NAV2: variants seen among roughly 807,000 people sequenced by gnomAD.
NAV2 encodes the protein helicase, APC down-regulated 1.
NAV2 carries 54 observed loss-of-function variants against 223.2 expected under a neutral mutation model. The observed-to-expected ratio is 0.24, with a 90% confidence interval of 0.19 to 0.30. NAV2 has a LOEUF of 0.30. NAV2 is among the 10% of genes least tolerant of loss of function. The probability of loss-of-function intolerance (pLI) is 1.00; values close to 1 mark genes in which losing one functional copy is unlikely to be tolerated. For missense variants in NAV2, 2,806 were observed against 3,147.5 expected (o/e 0.89, Z 2.60); for synonymous variants, 1,279 against 1,239.3 (o/e 1.03, Z -0.67).
At chr11:20,094,889 G>A (rs1368990174) in intron 29 of NAV2, among the ~76,000 whole-genome samples, 1 of 152,128 alleles carries the variant, frequency 6.6e-6, no homozygotes, top group African/African-American at 2.4e-5. Context: ...ATCCTTATGA[G>A]CATGTAAAAA....
chr11:19,887,979 C>T (rs759958822), intron 5 of NAV2, among the ~76,000 whole-genome samples: 3 of 150,342 alleles, frequency 2.0e-5, no homozygotes, highest in Admixed American at 6.6e-5. Flanking sequence ...GCACGTACAT[C>T]GCGTGGAACA....
chr11:19,815,808 G>A (rs952821591), intron 1 of NAV2, among the ~76,000 whole-genome samples: 1 of 152,202 alleles, frequency 6.6e-6, no homozygotes, highest in Non-Finnish European at 1.5e-5. Context: ...CAGGATTGTG[G>A]TGAGGCTCAG....
Position 19,602,100 on chromosome 11 carries a change from G to A in NAV2, c.76-230384G>A, listed in dbSNP as rs552768249. The stretch of plus-strand genomic sequence containing the variant: ...TCCAATCAGCTTTGGCCAGGAAATC[G>A]GGGACATCAAGTATGAAAAGGATGC... On this transcript the variant is annotated intron_variant, in intron 1 of 37. Transcript: ENST00000360655. Among the ~76,000 whole-genome samples the A allele has an allele frequency of 6.6e-5, 10 of 152,240 alleles. 2 individuals are homozygous for A. Among genetic ancestry groups the A allele is most frequent in the East Asian group, 5.8e-4 (3 of 5,182 alleles).
intron 1 of NAV2, among the ~76,000 whole-genome samples, chr11:19,830,084 G>A (rs2059847942): frequency 6.6e-6 from 1 of 152,082 alleles, no homozygotes; most frequent in Admixed American, 6.5e-5. Context: ...AATTAGCCAA[G>A]CGTGGTGGCA....
chr11:19,424,277 T>C (rs544212900), intron 1 of NAV2, among the ~76,000 whole-genome samples: 1 of 152,328 alleles, frequency 6.6e-6, no homozygotes, highest in South Asian at 2.1e-4. Flanking sequence ...TTTATTTGTG[T>C]TGAATAAAGA....
intron 28 of NAV2, 147 bp downstream of exon 28, chr11:20,092,515 G>A (rs1266077010): frequency 1.3e-6 from 1 of 771,652 alleles, no homozygotes. Context: ...GTGTCTGGGT[G>A]TGAGTCTGCT....
In NAV2 at chr11:19,703,764, G is replaced by A. The variant is rs533366361; in HGVS notation, c.76-128720G>A. On this transcript the variant is annotated intron_variant, in intron 1 of 37. Coordinates refer to the NAV2 transcript ENST00000360655. ...GTTGTGAGAGCAAAGCCTTTGCAGC[G>A]CTTCATAAAGCCATGTTTTTCAATT... Among the ~76,000 whole-genome samples, 19 of 152,284 alleles carry A rather than the reference G, an allele frequency of 1.2e-4. No individual in the cohort carries two copies. The East Asian group carries it at 1.9e-3, about 15-fold the overall frequency.
chr11:19,623,810 A>G (rs1271868439), intron 1 of NAV2, among the ~76,000 whole-genome samples: 1 of 152,134 alleles, frequency 6.6e-6, no homozygotes, highest in Non-Finnish European at 1.5e-5. Context: ...GCTGGTGAGG[A>G]GCTGTGTTAT....
intron 1 of NAV2, among the ~76,000 whole-genome samples, chr11:19,560,382 G>T (rs2045053250): frequency 6.6e-6 from 1 of 152,164 alleles, no homozygotes; most frequent in African/African-American, 2.4e-5. Flanking sequence ...AAACTTTCTG[G>T]ATTCAAGTCT....
intron 1 of NAV2, among the ~76,000 whole-genome samples, chr11:19,516,099 C>T (rs1267290764): frequency 6.6e-6 from 1 of 152,174 alleles, no homozygotes; most frequent in African/African-American, 2.4e-5. Context: ...GATGTCCTGG[C>T]TGGAGATATA....
chr11:19,432,598 G>A (rs1486530365), intron 1 of NAV2, among the ~76,000 whole-genome samples: 1 of 152,220 alleles, frequency 6.6e-6, no homozygotes, highest in East Asian at 1.9e-4. Context: ...CCACTGAGAA[G>A]ACATGGAGCA....
intron 1 of NAV2, among the ~76,000 whole-genome samples, chr11:19,626,974 A>G (rs2047188965): frequency 1.3e-5 from 2 of 152,200 alleles, no homozygotes; most frequent in South Asian, 2.1e-4. Context: ...TGCAATATGT[A>G]CCCAATATGA....
Position 20,035,945 on chromosome 11 carries a change from G to A in NAV2, c.2769-14G>A. ...TGAGGTTTTGGTGCTCAGGATGTGTGTTTGTCTTGGCAGCTGGGACGACAG... is the reference window on the plus strand; with the variant it reads ...TGAGGTTTTGGTGCTCAGGATGTGTATTTGTCTTGGCAGCTGGGACGACAG... On this transcript the variant is annotated splice_polypyrimidine_tract_variant and intron_variant, in intron 11 of 37. Coordinates refer to ENST00000349880, the MANE Select transcript of NAV2 (RefSeq NM_145117.5). The A allele has an allele frequency of 6.2e-7, 1 of 1,614,108 alleles. No individual in the cohort carries two copies. Among genetic ancestry groups the A allele is most frequent in the Non-Finnish European group, 8.5e-7 (1 of 1,180,008 alleles).
intron 36 of NAV2, 56 bp from the exon 37 acceptor site, chr11:20,114,536 G>A (rs2062891488): frequency 1.3e-6 from 2 of 1,547,272 alleles, no homozygotes; most frequent in Admixed American, 3.4e-5. Context: ...GCAAAACTGG[G>A]GCTACGAGAG....
chr11:19,441,830 C>G (rs1254709911), intron 1 of NAV2, among the ~76,000 whole-genome samples: 1 of 152,204 alleles, frequency 6.6e-6, no homozygotes, highest in Non-Finnish European at 1.5e-5. Context: ...ACCCTTCTGT[C>G]AGCCGCTGGC....
intron 1 of NAV2, among the ~76,000 whole-genome samples, chr11:19,449,740 A>G (rs1416995958): frequency 1.3e-5 from 2 of 152,122 alleles, no homozygotes; most frequent in African/African-American, 2.4e-5. Flanking sequence ...GGGCTGGGCC[A>G]TGAGAGCACC....
At chr11:19,555,446 T>TTG (rs1554963019) in intron 1 of NAV2, among the ~76,000 whole-genome samples, 1 of 151,678 alleles carries the variant, frequency 6.6e-6, no homozygotes, top group African/African-American at 2.4e-5. Flanking sequence ...CTCCCAGACC[T>TTG]GGGGGGGGCT....
At chr11:19,539,205 G>A (rs1271877411) in intron 1 of NAV2, among the ~76,000 whole-genome samples, 1 of 152,146 alleles carries the variant, frequency 6.6e-6, no homozygotes, top group Non-Finnish European at 1.5e-5. Context: ...TCAAACTGGG[G>A]GTAGATGAAG....
chr11:19,482,058 T>A (rs1411949562), intron 1 of NAV2, among the ~76,000 whole-genome samples: 1 of 152,230 alleles, frequency 6.6e-6, no homozygotes, highest in Non-Finnish European at 1.5e-5. Context: ...AGAAGGATAA[T>A]AACTTTATGT....
Sources: gnomAD v4.1 joint callset for allele counts (sites outside exome capture counted in the v4.1 genomes callset) on GRCh38, gnomAD v4.1.1 for gene constraint, MANE v1.5 for transcripts, NCBI Gene and HGNC (gene_info 2026-07-23, HGNC 2026-07-21) for gene names.